Variants in DOK6 observed in about 807,000 individuals in gnomAD.
DOK6 encodes docking protein 6, also known as downstream of tyrosine kinase 6.
DOK6 carries 22 observed loss-of-function variants against 44.0 expected under a neutral mutation model. That is an observed-to-expected ratio of 0.50 (90% CI 0.36 to 0.71). DOK6 has a LOEUF of 0.71. Among genes scored for constraint, DOK6 ranks in the 30% least tolerant of loss-of-function variants. The pLI is 0.00. For missense variants in DOK6, 340 were observed against 416.4 expected (o/e 0.82, Z 1.60); for synonymous variants, 166 against 145.5 (o/e 1.14, Z -1.01).
intron 2 of DOK6, among the ~76,000 whole-genome samples, chr18:69,597,024 C>T (rs1599212806): frequency 6.6e-6 from 1 of 151,952 alleles, no homozygotes; most frequent in East Asian, 1.9e-4. Flanking sequence ...AATAAATATA[C>T]ACTTGATCTC....
chr18:69,556,666 A>C (rs1425152765), intron 1 of DOK6, among the ~76,000 whole-genome samples: 1 of 152,136 alleles, frequency 6.6e-6, no homozygotes, highest in Admixed American at 6.6e-5. Context: ...TAAAACTCTC[A>C]AGTACTTTTT....
chr18:69,796,399 A>T (rs921185198), intron 7 of DOK6, among the ~76,000 whole-genome samples: 6 of 152,130 alleles, frequency 3.9e-5, no homozygotes, highest in African/African-American at 1.2e-4. Context: ...ATTAATATAC[A>T]TAAGCCTAAT....
rs747406292 is a variant in DOK6, at chr18:69,847,380, T to C, written c.*5997T>C. On this transcript the variant is annotated 3_prime_UTR_variant, in exon 8 of 8. Transcript: ENST00000382713. ...GGTCTACACTCTCAGCCTGTAGCTG[T>C]GCTAATGTTAGGATTGAATTGTTCT... 6.6e-6 allele frequency: 1 copy of C among 152,182 alleles called. No individual in the cohort carries two copies. Among genetic ancestry groups the C allele is most frequent in the Non-Finnish European group, 1.5e-5 (1 of 68,028 alleles). The allele number at this position is 152,182 out of a possible 1,614,324, so 9.4% of individuals were successfully genotyped here.
intron 1 of DOK6, among the ~76,000 whole-genome samples, chr18:69,407,374 T>C (rs1158224942): frequency 2.0e-5 from 3 of 152,190 alleles, no homozygotes; most frequent in Non-Finnish European, 4.4e-5. Flanking sequence ...GAGGAAGACA[T>C]AATTTCTATT....
intron 7 of DOK6, among the ~76,000 whole-genome samples, chr18:69,786,420 A>G (rs900592518): frequency 6.6e-6 from 1 of 152,220 alleles, no homozygotes; most frequent in African/African-American, 2.4e-5. Context: ...CCTATTCTGA[A>G]CATAATCTTT....
chr18:69,571,023 T>C (rs890038616), intron 2 of DOK6, among the ~76,000 whole-genome samples: 2 of 152,036 alleles, frequency 1.3e-5, no homozygotes, highest in African/African-American at 2.4e-5. Flanking sequence ...ATACTAACTT[T>C]GTCATTATAT....
At chr18:69,521,443 A>AT (rs943986317) in intron 1 of DOK6, among the ~76,000 whole-genome samples, 3 of 113,632 alleles carry the variant, frequency 2.6e-5, no homozygotes, top group African/African-American at 9.1e-5. Context: ...TTTTACAGTC[A>AT]TTTAAAAAAA....
intron 6 of DOK6, 32 bp from the exon 7 acceptor site, chr18:69,757,724 C>T (rs200343005): frequency 2.4e-5 from 38 of 1,570,302 alleles, no homozygotes; most frequent in African/African-American, 4.1e-5. Flanking sequence ...TATTTTAAAA[C>T]GAGGCCTAAA....
chr18:69,423,354 T>G (rs538961931), intron 1 of DOK6, among the ~76,000 whole-genome samples: 3 of 152,260 alleles, frequency 2.0e-5, no homozygotes, highest in Admixed American at 2.0e-4. Context: ...AAGACCCATT[T>G]GAACCTTTTG....
At chr18:69,628,168 A>T (rs1225540200) in intron 3 of DOK6, among the ~76,000 whole-genome samples, 2 of 152,062 alleles carry the variant, frequency 1.3e-5, no homozygotes, top group African/African-American at 4.8e-5. Context: ...AAATAGCTGG[A>T]TTGAAGAAAG....
intron 5 of DOK6, among the ~76,000 whole-genome samples, chr18:69,700,413 C>T (rs2144704994): frequency 6.6e-6 from 1 of 152,034 alleles, no homozygotes; most frequent in South Asian, 2.1e-4. Flanking sequence ...AATAGACTTC[C>T]ACTCAAAATT....
chr18:69,474,019 C>A (rs1461759485), intron 1 of DOK6, among the ~76,000 whole-genome samples: 1 of 152,144 alleles, frequency 6.6e-6, no homozygotes, highest in Non-Finnish European at 1.5e-5. Context: ...ACATTGGTTT[C>A]CTTCTGTTGA....
intron 1 of DOK6, among the ~76,000 whole-genome samples, chr18:69,487,041 C>T (rs1980595707): frequency 6.6e-6 from 1 of 152,080 alleles, no homozygotes; most frequent in Admixed American, 6.6e-5. Context: ...CCCTGCCTTT[C>T]CTGTCAGGGC....
At chr18:69,719,987 C>T (rs1019760831) in intron 5 of DOK6, among the ~76,000 whole-genome samples, 13 of 152,100 alleles carry the variant, frequency 8.5e-5, no homozygotes, top group South Asian at 4.1e-4. Flanking sequence ...GTCAAGAGTT[C>T]GAGACCACCC....
At chr18:69,498,092 C>A (rs1183573324) in intron 1 of DOK6, among the ~76,000 whole-genome samples, 3 of 151,966 alleles carry the variant, frequency 2.0e-5, no homozygotes, top group African/African-American at 7.3e-5. Flanking sequence ...AAAATGAATA[C>A]TTGTGTGACT....
intron 1 of DOK6, among the ~76,000 whole-genome samples, chr18:69,467,060 T>G (rs540468057): frequency 1.3e-5 from 2 of 152,282 alleles, no homozygotes; most frequent in African/African-American, 4.8e-5. Flanking sequence ...ATGACGCATT[T>G]TAACCTTAGT....
At chr18:69,644,157 C>A (rs1442229851) in intron 3 of DOK6, among the ~76,000 whole-genome samples, 1 of 151,982 alleles carries the variant, frequency 6.6e-6, no homozygotes, top group African/African-American at 2.4e-5. Context: ...GATATTTGTT[C>A]TTTGTCAGAT....
intron 7 of DOK6, among the ~76,000 whole-genome samples, chr18:69,800,221 T>A (rs1980863301): frequency 1.3e-5 from 2 of 152,136 alleles, no homozygotes; most frequent in Non-Finnish European, 2.9e-5. Context: ...AATATTTTCC[T>A]TTAGATACTC....
chr18:69,720,242 T>C (rs1456432232), intron 5 of DOK6, among the ~76,000 whole-genome samples: 1 of 152,112 alleles, frequency 6.6e-6, no homozygotes, highest in African/African-American at 2.4e-5. Flanking sequence ...ACACAAGACT[T>C]GCGTTGATGT....
Sources: gnomAD v4.1 joint callset for allele counts (sites outside exome capture counted in the v4.1 genomes callset) on GRCh38, gnomAD v4.1.1 for gene constraint, MANE v1.5 for transcripts, NCBI Gene and HGNC (gene_info 2026-07-23, HGNC 2026-07-21) for gene names.